MAPK8IP1: variants seen among roughly 807,000 people sequenced by gnomAD.
MAPK8IP1 encodes the protein C-Jun-amino-terminal kinase-interacting protein 1.
A neutral mutation model predicts 72.6 loss-of-function variants in MAPK8IP1; 17 were observed. The observed-to-expected ratio is 0.23, with a 90% confidence interval of 0.16 to 0.35. MAPK8IP1 has a LOEUF of 0.35. Among genes scored for constraint, MAPK8IP1 ranks in the 10% least tolerant of loss-of-function variants. The pLI is 1.00. For missense variants in MAPK8IP1, 789 were observed against 1,009.7 expected (o/e 0.78, Z 2.96); for synonymous variants, 401 against 443.4 (o/e 0.90, Z 1.20).
chr11:45,900,459 C>A lies in MAPK8IP1; in HGVS notation c.522+7C>A. 2.6e-6 allele frequency: 4 copies of A among 1,531,304 alleles called. No homozygotes were observed. Among genetic ancestry groups the A allele is most frequent in the Non-Finnish European group, 3.5e-6 (4 of 1,145,034 alleles). 94.9% of individuals were successfully genotyped at this position (1,531,304 alleles called of 1,614,324 possible). On this transcript the variant is annotated splice_region_variant and intron_variant, in intron 3 of 11. Coordinates refer to ENST00000241014, the MANE Select transcript of MAPK8IP1 (RefSeq NM_005456.4). The surrounding 1 kb of genome is among the most constrained non-coding windows in gnomAD (Gnocchi z 6.5). ...GCAGGTGCCGCGGTCTCAGGTGAGG[C>A]GCCAACGTGGGGGGCGGCGCCCTGG...
intron 2 of MAPK8IP1, among the ~76,000 whole-genome samples, chr11:45,899,562 G>T (rs796183442): frequency 9.9e-5 from 15 of 152,278 alleles, no homozygotes; most frequent in African/African-American, 3.6e-4. Flanking sequence ...GTGGAGGACC[G>T]ATCTAGGGCT....
Position 45,905,799 on chromosome 11 carries a change from T to G in MAPK8IP1, c.*78T>G. 1 of 1,426,928 alleles carries G rather than the reference T, an allele frequency of 7.0e-7. No homozygotes were observed. The highest frequency in any genetic ancestry group is 2.3e-5 in the East Asian group (1 of 44,008). 88.4% of individuals were successfully genotyped at this position (1,426,928 alleles called of 1,614,324 possible). On this transcript the variant is annotated 3_prime_UTR_variant, in exon 12 of 12. Transcript: ENST00000241014. The stretch of plus-strand genomic sequence containing the variant: ...GCTGGCTGCTGACAGGATGTGGCAC[T>G]GCTTGAGGAGGGGCACCTGCCACCG...
intron 1 of MAPK8IP1, among the ~76,000 whole-genome samples, chr11:45,886,907 A>T (rs1241529993): frequency 1.3e-5 from 2 of 152,046 alleles, no homozygotes; most frequent in Non-Finnish European, 2.9e-5. Flanking sequence ...CCCTCCTGGG[A>T]GCAAGGGGTC....
chr11:45,897,991 G>T, intron 1 of MAPK8IP1, 94 bp from the exon 2 acceptor site: 1 of 754,634 alleles, frequency 1.3e-6, no homozygotes. Context: ...GCTGTGTTTG[G>T]CCTTCAAGAG....
intron 1 of MAPK8IP1, among the ~76,000 whole-genome samples, chr11:45,897,256 A>T (rs531155855): frequency 4.6e-5 from 7 of 151,902 alleles, no homozygotes; most frequent in African/African-American, 1.7e-4. Context: ...TGAGCAAGAG[A>T]CAGGCTGCCT....
At chr11:45,896,514 A>AG (rs2086606911) in intron 1 of MAPK8IP1, 9 of 1,065,080 alleles carry the variant, frequency 8.5e-6, no homozygotes, top group Non-Finnish European at 1.0e-5. Context: ...AGCCCCCGAC[A>AG]GGGGCATTGG....
At chr11:45,899,676 G>A (rs1039731382) in intron 2 of MAPK8IP1, among the ~76,000 whole-genome samples, 1 of 152,104 alleles carries the variant, frequency 6.6e-6, no homozygotes, top group African/African-American at 2.4e-5. Context: ...TCCCTCTCAG[G>A]TCTCCGCCGT....
At chr11:45,899,473 C>T (rs560711158) in intron 2 of MAPK8IP1, among the ~76,000 whole-genome samples, 1 of 152,342 alleles carries the variant, frequency 6.6e-6, no homozygotes, top group African/African-American at 2.4e-5. Context: ...CCTGAAGGAT[C>T]AGGGGATCTG....
In MAPK8IP1 at chr11:45,898,275, G is replaced by A. The variant is rs973023751; in HGVS notation, c.207+85G>A. 37 of 884,162 alleles carry A rather than the reference G, an allele frequency of 4.2e-5. No homozygotes were observed. The African/African-American group carries it at 5.9e-4, about 14-fold the overall frequency. The allele number at this position is 884,162 out of a possible 1,614,324, so 54.8% of individuals were successfully genotyped here. On this transcript the variant is annotated intron_variant, in intron 2 of 11. Coordinates refer to ENST00000241014, the MANE Select transcript of MAPK8IP1 (RefSeq NM_005456.4). ...AAGGGTATCCCCATAGTGACAAAGG[G>A]GGTTTCAGGTCTGTGCTGGCACCCT...
chr11:45,901,198 CA>C lies in MAPK8IP1; in HGVS notation c.522+747del, dbSNP rs1387494270. 2.0e-5 allele frequency among the ~76,000 whole-genome samples: 3 copies of C among 152,112 alleles called. No homozygotes were observed. The East Asian group carries it at 5.8e-4, about 29-fold the overall frequency. On this transcript the variant is annotated intron_variant, in intron 3 of 11. Transcript: ENST00000241014. ...CCAGGATCCTGTGAATGGCTTTTGG[CA>C]GCCCGGCTCAGGAACGTGAGGGCTT... is the stretch of plus-strand genomic sequence containing the variant.
chr11:45,902,165 A>G lies in MAPK8IP1; in HGVS notation c.604+104A>G. The G allele has an allele frequency of 8.9e-7, 1 of 1,129,056 alleles. No individual in the cohort carries two copies. Among genetic ancestry groups the G allele is most frequent in the Non-Finnish European group, 1.4e-6 (1 of 737,898 alleles). 69.9% of individuals were successfully genotyped at this position (1,129,056 alleles called of 1,614,324 possible). ...TCTCCAAAGGGCTGAGTAGAGGTGA[A>G]CTGCCCACCCACATCCCTGCACGAG... On this transcript the variant is annotated intron_variant, in intron 4 of 11. Transcript: ENST00000241014. This position sits in a 1 kb window ranked among gnomAD's most constrained non-coding sequence, Gnocchi z 9.3.
At chr11:45,896,533 G>T (rs367948264) in intron 1 of MAPK8IP1, 1 of 1,113,360 alleles carries the variant, frequency 9.0e-7, no homozygotes, top group African/African-American at 1.6e-5. Flanking sequence ...GGAAGGGCAG[G>T]TGGAGCCAGT....
At chr11:45,901,677 C>G (rs934962026) in intron 3 of MAPK8IP1, among the ~76,000 whole-genome samples, 7 of 152,284 alleles carry the variant, frequency 4.6e-5, no homozygotes, top group South Asian at 2.1e-4. Flanking sequence ...GCCTCCTCCC[C>G]CTCTTGCCAC....
intron 1 of MAPK8IP1, among the ~76,000 whole-genome samples, chr11:45,894,150 G>A (rs1196196914): frequency 6.6e-6 from 1 of 152,152 alleles, no homozygotes; most frequent in Non-Finnish European, 1.5e-5. Flanking sequence ...TTATGTCTAA[G>A]CCTTAGTGTT....
chr11:45,902,768 A>T lies in MAPK8IP1; in HGVS notation c.1001A>T (p.Glu334Val). The T allele has an allele frequency of 6.3e-7, 1 of 1,599,972 alleles. No individual in the cohort carries two copies. Among genetic ancestry groups the T allele is most frequent in the Middle Eastern group, 1.7e-4 (1 of 6,040 alleles). ...RPHPSISEEE[E>V]GFDCLSSPER... Reference sequence around the variant, plus strand: ...CACCCCTCCATCAGTGAAGAGGAAGAGGGCTTCGACTGCCTGTCGTCCCCA... The same window carrying T: ...CACCCCTCCATCAGTGAAGAGGAAGTGGGCTTCGACTGCCTGTCGTCCCCA... The change falls in exon 5 of 12, where the codon GAG becomes GTG. Residue 334 changes from glutamate to valine, a missense_variant. This residue lies in a region of MAPK8IP1 where 377 missense variants were observed against 411.7 expected (regional missense o/e 0.92). Transcript: ENST00000241014. The surrounding 1 kb of genome is among the most constrained non-coding windows in gnomAD (Gnocchi z 9.3).
chr11:45,902,303 A>G lies in MAPK8IP1; in HGVS notation c.605-69A>G, dbSNP rs1056226705. The G allele has an allele frequency of 6.5e-5, 87 of 1,333,808 alleles. No individual in the cohort carries two copies. The highest frequency in any genetic ancestry group is 8.5e-5 in the Non-Finnish European group (81 of 949,034). The allele number at this position is 1,333,808 out of a possible 1,614,324, so 82.6% of individuals were successfully genotyped here. A position where few individuals can be genotyped will look rare whatever the true frequency, so the allele number is the denominator to read the frequency against. On this transcript the variant is annotated intron_variant, in intron 4 of 11. Transcript: ENST00000241014. The surrounding 1 kb of genome is among the most constrained non-coding windows in gnomAD (Gnocchi z 9.3). ...TCTTGGTTTCTGTGTCACCAAGCTG[A>G]GAGTGGCAGGTGCAGGTAGCTGGGA...
rs2086686167 is a variant in MAPK8IP1, at chr11:45,904,429, C to G, written c.1667-26C>G. ...CAGCTCCCTCCTGCTCTTTCTGCCC[C>G]TCCTCAATTCACGCTTGCTTTCCAG... On this transcript the variant is annotated intron_variant, in intron 7 of 11. Coordinates refer to ENST00000241014, the MANE Select transcript of MAPK8IP1 (RefSeq NM_005456.4). This position sits in a 1 kb window ranked among gnomAD's most constrained non-coding sequence, Gnocchi z 6.4. 6.3e-7 allele frequency: 1 copy of G among 1,586,134 alleles called. No homozygotes were observed. Among genetic ancestry groups the G allele is most frequent in the African/African-American group, 1.3e-5 (1 of 74,450 alleles).
Position 45,885,886 on chromosome 11 carries a change from C to G in MAPK8IP1, c.66C>G (p.Phe22Leu). ...CGTCCCCGCCCGCCGCCTCCCCGTT[C>G]CTGGGGCTGCACATCGCTTCGCCTC... is the stretch of plus-strand genomic sequence containing the variant. Reference protein sequence around the residue: ...GAASPPAASPFLGLHIASPPN... With the variant: ...GAASPPAASPLLGLHIASPPN... Residue 22 changes from phenylalanine to leucine, a missense_variant, in exon 1 of 12, where the codon TTC (phenylalanine) becomes TTG (leucine). Phe to Leu is a conservative substitution (Grantham distance 22). Around this residue, in one of 4 missense-constraint regions of MAPK8IP1, gnomAD observed 112 missense variants for 111.8 expected, o/e 1.00. Transcript: ENST00000241014. 1 of 1,468,272 alleles carries G rather than the reference C, an allele frequency of 6.8e-7. No homozygotes were observed. Among genetic ancestry groups the G allele is most frequent in the Non-Finnish European group, 9.0e-7 (1 of 1,106,640 alleles). The allele number at this position is 1,468,272 out of a possible 1,614,324, so 91.0% of individuals were successfully genotyped here.
At chr11:45,898,249 T>C in intron 2 of MAPK8IP1, 59 bp downstream of exon 2, 1 of 1,155,058 alleles carries the variant, frequency 8.7e-7, no homozygotes, top group Non-Finnish European at 1.3e-6. Context: ...GGGACAGGGG[T>C]AAGGGTATCC....
Sources: gnomAD v4.1 joint callset for allele counts (sites outside exome capture counted in the v4.1 genomes callset) on GRCh38, gnomAD v4.1.1 for gene constraint, gnomAD v4.1.1 regional missense constraint, Gnocchi (gnomAD v3.1) non-coding constraint, MANE v1.5 for transcripts, NCBI Gene and HGNC (gene_info 2026-07-23, HGNC 2026-07-21) for gene names.